Variants in FSTL4 observed in about 807,000 individuals in gnomAD.
FSTL4 encodes the protein follistatin like 4, also known as follistatin-related protein 4.
In FSTL4, 28 loss-of-function variants were observed where a neutral mutation model predicts 78.2. The ratio of observed to expected loss-of-function variants is 0.36; its 90% CI spans 0.27 to 0.49. The LOEUF is 0.49. Ranked by LOEUF, FSTL4 falls within the 20% of genes least tolerant of loss-of-function variation. FSTL4 has a pLI of 0.98. For missense variants in FSTL4, 922 were observed against 1,084.9 expected (o/e 0.85, Z 2.11); for synonymous variants, 422 against 440.5 (o/e 0.96, Z 0.53).
At chr5:133,802,977 G>A in the FSTL4 span, among the ~76,000 whole-genome samples, 1 of 152,194 alleles carries the variant, frequency 6.6e-6, no homozygotes. Context: ...CTGGGGCCAC[G>A]TAAGCCTGGA....
chr5:133,444,128 C>A (rs957987733), intron 3 of FSTL4, among the ~76,000 whole-genome samples: 1 of 152,192 alleles, frequency 6.6e-6, no homozygotes, highest in Admixed American at 6.5e-5. Flanking sequence ...CAGTGTCTGG[C>A]TCAAAGCAGG....
At chr5:133,701,402 C>CA in the FSTL4 span, among the ~76,000 whole-genome samples, 8,756 of 94,856 alleles carry the variant, frequency 0.092, 645 homozygotes, top group Middle Eastern at 0.16. Flanking sequence ...GAGTCAGTCT[C>CA]AAAAAAAAAA....
the FSTL4 span, among the ~76,000 whole-genome samples, chr5:133,786,029 C>T: frequency 1.3e-5 from 2 of 152,202 alleles, no homozygotes; most frequent in Admixed American, 1.3e-4. Flanking sequence ...GATGTGCTGG[C>T]ATGCACCTTT....
At chr5:133,724,774 T>C in the FSTL4 span, among the ~76,000 whole-genome samples, 5 of 152,210 alleles carry the variant, frequency 3.3e-5, no homozygotes, top group East Asian at 9.6e-4. Flanking sequence ...GGTTTTTGTG[T>C]CCTAAGAATC....
At chr5:133,421,639 T>C (rs2126987761) in intron 3 of FSTL4, among the ~76,000 whole-genome samples, 1 of 152,342 alleles carries the variant, frequency 6.6e-6, no homozygotes, top group East Asian at 1.9e-4. Flanking sequence ...TTATGTGCTG[T>C]CTTCAGAAAT....
At chr5:133,617,487 G>A (rs6879576), upstream of FSTL4, among the ~76,000 whole-genome samples, 5,957 of 152,114 alleles carry the variant, frequency 0.039, 198 homozygotes, top group African/African-American at 0.093. Context: ...GTGGGAGACT[G>A]GGCACAGGAG....
intron 6 of FSTL4, among the ~76,000 whole-genome samples, chr5:133,293,577 T>A (rs1349763938): frequency 6.6e-6 from 1 of 152,114 alleles, no homozygotes; most frequent in Non-Finnish European, 1.5e-5. Context: ...TTCTGGCCAG[T>A]GGAATGTGTC....
Position 133,517,439 on chromosome 5 carries a change from A to T in FSTL4, c.160+49747T>A, listed in dbSNP as rs1474660675. 9.0e-4 allele frequency among the ~76,000 whole-genome samples: 29 copies of T among 32,134 alleles called. 3 individuals are homozygous for T. Among genetic ancestry groups the T allele is most frequent in the African/African-American group, 3.7e-3 (24 of 6,566 alleles). The allele number at this position is 32,134 out of a possible 152,430, so 21.1% of individuals were successfully genotyped here. On this transcript the variant is annotated intron_variant, in intron 3 of 15. Transcript: ENST00000265342. ...CTCCATCTCAAAAAAAAAAAAAAAAAAAAAAAAAATATATATATATATATG... is the reference window on the plus strand; with the variant it reads ...CTCCATCTCAAAAAAAAAAAAAAAATAAAAAAAAATATATATATATATATG...
the FSTL4 span, among the ~76,000 whole-genome samples, chr5:133,623,713 C>G: frequency 6.6e-6 from 1 of 151,974 alleles, no homozygotes; most frequent in Non-Finnish European, 1.5e-5. Flanking sequence ...AGACAACCCA[C>G]AGACTAAGAG....
rs969048950 is a variant in FSTL4 at position 133,240,584 on chromosome 5, C to T, written c.895-7047G>A. Among the ~76,000 whole-genome samples, 4 of 152,254 alleles carry T rather than the reference C, an allele frequency of 2.6e-5. No individual in the cohort carries two copies. The East Asian group carries it at 5.8e-4, about 22-fold the overall frequency. On this transcript the variant is annotated intron_variant, in intron 7 of 15. Transcript: ENST00000265342. The stretch of plus-strand genomic sequence containing the variant: ...TCCAAGGCTCGGGGCATGTGTGGTC[C>T]CTGGCTGACTTGGGTGTCCTCTGGT...
At chr5:133,625,768 TTCC>T in the FSTL4 span, among the ~76,000 whole-genome samples, 1 of 56,518 alleles carries the variant, frequency 1.8e-5, no homozygotes, top group African/African-American at 9.7e-5. Flanking sequence ...TCCATATATA[TTCC>T]ATATATATAT....
chr5:133,771,137 A>C, the FSTL4 span, among the ~76,000 whole-genome samples: 2 of 152,084 alleles, frequency 1.3e-5, no homozygotes, highest in African/African-American at 4.8e-5. Context: ...CTTGTAATAT[A>C]ATTTGAAGTC....
chr5:133,619,265 G>A, the FSTL4 span, among the ~76,000 whole-genome samples: 8 of 152,150 alleles, frequency 5.3e-5, no homozygotes, highest in Non-Finnish European at 1.2e-4. Context: ...GGCTAAGTTG[G>A]CTCATGGAGG....
At chr5:133,781,363 G>A in the FSTL4 span, among the ~76,000 whole-genome samples, 8 of 93,354 alleles carry the variant, frequency 8.6e-5, no homozygotes, top group Non-Finnish European at 1.7e-4. Flanking sequence ...ATTGTTAAGC[G>A]GTTGTGTGTG....
intron 6 of FSTL4, among the ~76,000 whole-genome samples, chr5:133,264,976 C>T (rs1371880868): frequency 1.3e-5 from 2 of 152,200 alleles, no homozygotes; most frequent in Non-Finnish European, 2.9e-5. Flanking sequence ...CTCGTCCACT[C>T]TCCCCATCTT....
At chr5:133,234,438 T>C (rs903194795) in intron 7 of FSTL4, among the ~76,000 whole-genome samples, 1 of 152,328 alleles carries the variant, frequency 6.6e-6, no homozygotes, top group Admixed American at 6.5e-5. Flanking sequence ...AGTCCCCTGA[T>C]GAGCACTGGG....
intron 4 of FSTL4, among the ~76,000 whole-genome samples, chr5:133,359,156 C>T (rs1197374869): frequency 6.6e-6 from 1 of 152,192 alleles, no homozygotes; most frequent in African/African-American, 2.4e-5. Flanking sequence ...ATGACTTAAT[C>T]TTTGGTGGCC....
At chr5:133,802,869 G>A in the FSTL4 span, among the ~76,000 whole-genome samples, 2 of 152,308 alleles carry the variant, frequency 1.3e-5, no homozygotes, top group African/African-American at 4.8e-5. Context: ...CCCAAACACA[G>A]TAACTGGTAT....
the FSTL4 span, among the ~76,000 whole-genome samples, chr5:133,767,840 G>C: frequency 1.4e-4 from 21 of 152,298 alleles, no homozygotes; most frequent in Non-Finnish European, 2.2e-4. Flanking sequence ...GGATGGATAG[G>C]GCTCTGCAGG....
Sources: gnomAD v4.1 joint callset for allele counts (sites outside exome capture counted in the v4.1 genomes callset) on GRCh38, gnomAD v4.1.1 for gene constraint, MANE v1.5 for transcripts, NCBI Gene and HGNC (gene_info 2026-07-23, HGNC 2026-07-21) for gene names.